The following DOCK9 variants were observed in gnomAD, a reference collection of about 807,000 sequenced individuals.
DOCK9 encodes dedicator of cytokinesis 9, also known as dedicator of cytokinesis protein 9.
DOCK9 carries 89 observed loss-of-function variants against 263.3 expected under a neutral mutation model. That is an observed-to-expected ratio of 0.34 (90% CI 0.28 to 0.40). DOCK9 has a LOEUF of 0.40. Among genes scored for constraint, DOCK9 ranks in the 10% least tolerant of loss-of-function variants. The pLI is 1.00. For synonymous variants in DOCK9, 976 were observed against 973.1 expected (o/e 1.00, Z -0.06); for missense variants, 2,140 against 2,603.4 (o/e 0.82, Z 3.87).
intron 1 of DOCK9, among the ~76,000 whole-genome samples, chr13:98,976,596 A>G (rs2060300083): frequency 6.6e-6 from 1 of 152,250 alleles, no homozygotes; most frequent in African/African-American, 2.4e-5. Context: ...GCAACCCAAC[A>G]GAGAAGTGGG....
Position 98,881,927 on chromosome 13 carries a change from T to A in DOCK9, c.2640A>T (p.Arg880Ser), listed in dbSNP as rs760162866. 1.1e-5 allele frequency: 17 copies of A among 1,595,706 alleles called. No individual in the cohort carries two copies. The highest frequency in any genetic ancestry group is 1.5e-5 in the Non-Finnish European group (17 of 1,171,158). ...ILNQLFRVLT[R>S]ATQEEVAVNV... ...TAACCGCGACTTCTTCCTGTGTGGC[T>A]CTGGTGAGGACTCGGAACAGCTGGT... The change falls in exon 24 of 53, where the codon AGA becomes AGT. Residue 880 changes from arginine to serine, a missense_variant. By Grantham distance (110) the Arg-to-Ser change is moderately radical. This residue lies in a region of DOCK9 where 1,521 missense variants were observed against 1,741.7 expected (regional missense o/e 0.87). Coordinates refer to ENST00000682017, the MANE Select transcript of DOCK9 (RefSeq NM_001366683.2).
At chr13:98,881,739 G>A (rs2044795127) in intron 24 of DOCK9, 112 bp from the exon 25 acceptor site, 2 of 1,298,112 alleles carry the variant, frequency 1.5e-6, no homozygotes, top group South Asian at 2.6e-5. Context: ...AGGAAACAAG[G>A]AGACAAGGAA....
At chr13:98,994,643 T>C (rs527902710) in intron 1 of DOCK9, among the ~76,000 whole-genome samples, 9 of 152,110 alleles carry the variant, frequency 5.9e-5, no homozygotes, top group African/African-American at 2.2e-4. Flanking sequence ...TATGAGTGTA[T>C]ATATTATGTA....
At chr13:98,892,433 G>T (rs547474922) in intron 15 of DOCK9, among the ~76,000 whole-genome samples, 1 of 152,076 alleles carries the variant, frequency 6.6e-6, no homozygotes, top group South Asian at 2.1e-4. Context: ...TGCTATTGGT[G>T]GTGAGTTTAA....
At chr13:99,044,545 G>A (rs1169433302) in intron 1 of DOCK9, among the ~76,000 whole-genome samples, 1 of 152,174 alleles carries the variant, frequency 6.6e-6, no homozygotes, top group African/African-American at 2.4e-5. Context: ...AGACTATTAT[G>A]TATGAATACC....
At chr13:99,015,482 T>C in intron 1 of DOCK9, 2 of 1,597,314 alleles carry the variant, frequency 1.3e-6, no homozygotes, top group Non-Finnish European at 1.7e-6. Flanking sequence ...GAATCTTCTT[T>C]TGTCCAATTG....
intron 1 of DOCK9, among the ~76,000 whole-genome samples, chr13:99,074,358 T>C (rs991852737): frequency 6.6e-6 from 1 of 152,274 alleles, no homozygotes; most frequent in Non-Finnish European, 1.5e-5. Context: ...GGTCCAATGG[T>C]GTTATTCAAT....
chr13:98,984,677 G>A (rs1262033461), intron 1 of DOCK9, among the ~76,000 whole-genome samples: 2 of 152,094 alleles, frequency 1.3e-5, no homozygotes, highest in Non-Finnish European at 2.9e-5. Flanking sequence ...ATGAGATAAT[G>A]GTATAGAGGA....
In DOCK9 at chr13:99,025,840, G is replaced by T. The variant is rs1036271328; in HGVS notation, c.129+60383C>A. ...TGGATAAACAACTACAGAATACAATGAAATATTATGTACCAACTTTTAAAA... is the reference window on the plus strand; with the variant it reads ...TGGATAAACAACTACAGAATACAATTAAATATTATGTACCAACTTTTAAAA... On this transcript the variant is annotated intron_variant, in intron 1 of 32. Transcript: ENST00000427887. Among the ~76,000 whole-genome samples, 2 of 152,294 alleles carry T rather than the reference G, an allele frequency of 1.3e-5. 1 individual carries two copies. The highest frequency in any genetic ancestry group is 4.1e-4 in the South Asian group (2 of 4,820).
At position 98,867,297 on chromosome 13, in the gene DOCK9, GA is replaced by G. The variant is rs1276290579; in HGVS notation, c.3286+127del. On this transcript the variant is annotated intron_variant, in intron 30 of 52. Transcript: ENST00000682017. Reference sequence around the variant, plus strand: ...ACTTTTTGAAATGGAAATTTCATAAGAAAAAAATTAATTCATCAATGAAAAA... The same window carrying G: ...ACTTTTTGAAATGGAAATTTCATAAGAAAAAATTAATTCATCAATGAAAAA... The G allele has an allele frequency of 3.3e-5, 21 of 644,686 alleles. No individual in the cohort carries two copies. The South Asian group carries it at 4.3e-4, about 13-fold the overall frequency. The allele number at this position is 644,686 out of a possible 1,614,324, so 39.9% of individuals were successfully genotyped here.
At chr13:98,981,355 C>A (rs1160507027), upstream of DOCK9, among the ~76,000 whole-genome samples, 1 of 152,120 alleles carries the variant, frequency 6.6e-6, no homozygotes, top group African/African-American at 2.4e-5. Context: ...CCATGCCTGG[C>A]CCAAGCAAGT....
At chr13:99,037,027 ATTT>A (rs1374505083) in intron 1 of DOCK9, among the ~76,000 whole-genome samples, 1 of 152,174 alleles carries the variant, frequency 6.6e-6, no homozygotes, top group African/African-American at 2.4e-5. Flanking sequence ...ACTCTGATGG[ATTT>A]TTTATGACTT....
intron 2 of DOCK9, among the ~76,000 whole-genome samples, chr13:98,953,952 G>A (rs563456175): frequency 6.6e-6 from 1 of 152,284 alleles, no homozygotes; most frequent in East Asian, 1.9e-4. Context: ...TCTCTAACAA[G>A]TTAGAAAGAG....
At chr13:99,046,100 CAA>C (rs35917523) in intron 1 of DOCK9, among the ~76,000 whole-genome samples, 1 of 112,070 alleles carries the variant, frequency 8.9e-6, no homozygotes. Flanking sequence ...GACTCAGTCT[CAA>C]AAAAAAAAAA....
chr13:98,907,047 C>T (rs1004619272), intron 9 of DOCK9, among the ~76,000 whole-genome samples: 5 of 152,184 alleles, frequency 3.3e-5, no homozygotes, highest in Admixed American at 6.5e-5. Flanking sequence ...TGGAGGCAGG[C>T]GCTCTCCATA....
In DOCK9 at chr13:99,038,541, G is replaced by T. The variant is rs2142111455; in HGVS notation, c.129+47682C>A. 2.0e-5 allele frequency among the ~76,000 whole-genome samples: 3 copies of T among 151,890 alleles called. 1 individual carries two copies. The East Asian group carries it at 5.8e-4, about 29-fold the overall frequency. On this transcript the variant is annotated intron_variant, in intron 1 of 32. Transcript: ENST00000427887. ...GGCTGGTCTCTAACTCCTGACATCA[G>T]GTGATCCACCCACCTCAGCCTCCCA...
chr13:99,029,669 G>C (rs551643747), intron 1 of DOCK9, among the ~76,000 whole-genome samples: 4 of 152,162 alleles, frequency 2.6e-5, no homozygotes, highest in Non-Finnish European at 5.9e-5. Context: ...AATTTAAAAA[G>C]ACTGACATAG....
chr13:98,896,282 G>A (rs1199068361), intron 15 of DOCK9, among the ~76,000 whole-genome samples: 4 of 152,182 alleles, frequency 2.6e-5, no homozygotes, highest in African/African-American at 9.7e-5. Flanking sequence ...GAAGGCTGAA[G>A]CCGCCTGCTG....
At position 98,807,650 on chromosome 13, in the gene DOCK9, C is replaced by T. The variant is rs201432283; in HGVS notation, c.5514+11G>A. 3.5e-4 allele frequency: 550 copies of T among 1,586,662 alleles called. 2 individuals carry two copies. The highest frequency in any genetic ancestry group is 6.9e-4 in the Admixed American group (41 of 59,404). On this transcript the variant is annotated intron_variant, in intron 48 of 52. Transcript: ENST00000682017. ...TACATTGCTATGAAACTTATCCAAACATGGTCATACCTTGCCAGAATCCTG... is the reference window on the plus strand; with the variant it reads ...TACATTGCTATGAAACTTATCCAAATATGGTCATACCTTGCCAGAATCCTG...
Sources: gnomAD v4.1 joint callset for allele counts (sites outside exome capture counted in the v4.1 genomes callset) on GRCh38, gnomAD v4.1.1 for gene constraint, gnomAD v4.1.1 regional missense constraint, MANE v1.5 for transcripts, NCBI Gene and HGNC (gene_info 2026-07-23, HGNC 2026-07-21) for gene names.